ZNF280C: variants seen among roughly 807,000 people sequenced by gnomAD.
ZNF280C encodes zinc finger protein 280C, also known as suppressor of hairy wing homolog 3.
Under a neutral mutation model 53.6 loss-of-function variants are expected in ZNF280C, and 14 were observed. The observed-to-expected ratio is 0.26, with a 90% CI of 0.17 to 0.41. ZNF280C has a LOEUF of 0.41. ZNF280C is among the 10% of genes least tolerant of loss of function. The probability of loss-of-function intolerance (pLI) is 1.00; values close to 1 mark genes in which losing one functional copy is unlikely to be tolerated. For missense variants in ZNF280C, 416 were observed against 547.1 expected (o/e 0.76, Z 2.39); for synonymous variants, 203 against 181.1 (o/e 1.12, Z -0.97).
At chrX:130,249,163 C>T (rs866259253) in intron 2 of ZNF280C, among the ~76,000 whole-genome samples, 2 of 111,587 alleles carry the variant, frequency 1.8e-5, no homozygotes, top group Middle Eastern at 4.6e-3. Flanking sequence ...AGTCCTGCAA[C>T]GGCCAGTGCC....
intron 15 of ZNF280C, among the ~76,000 whole-genome samples, chrX:130,213,331 C>A (rs764149607): frequency 8.9e-6 from 1 of 112,223 alleles, no homozygotes; most frequent in South Asian, 3.7e-4. Flanking sequence ...CGAGATCATG[C>A]CACTGCACTC....
At chrX:130,248,119 G>T (rs2032469008) in intron 2 of ZNF280C, among the ~76,000 whole-genome samples, 1 of 97,536 alleles carries the variant, frequency 1.0e-5, no homozygotes, top group Admixed American at 1.2e-4. Flanking sequence ...AGGCAGGATG[G>T]CAAACTAGAT....
At position 130,220,385 on chromosome X, in the gene ZNF280C, C is replaced by T. The variant is rs1168410969; in HGVS notation, c.1491G>A (p.Lys497=). Residue 497 remains lysine (K), a synonymous_variant, in exon 13 of 19, where the codon AAG becomes AAA. Transcript: ENST00000370978. ...GAGGCAATCCTTCTAGTTCTTTAGGCTTTATAAATGTACGATGCTGCGCCT... is the reference window on the plus strand; with the variant it reads ...GAGGCAATCCTTCTAGTTCTTTAGGTTTTATAAATGTACGATGCTGCGCCT... ...EHKAQHRTFI[K]PKELEGLPPG... is the part of the protein sequence containing the mutation. 2.4e-5 allele frequency: 28 copies of T among 1,188,765 alleles called. No homozygotes were observed. Among genetic ancestry groups the T allele is most frequent in the Non-Finnish European group, 2.8e-5 (25 of 885,923 alleles).
chrX:130,251,879 CG>C (rs1222167228), intron 2 of ZNF280C, among the ~76,000 whole-genome samples: 1 of 111,521 alleles, frequency 9.0e-6, no homozygotes, highest in Non-Finnish European at 1.9e-5. Flanking sequence ...TCTGGGAGGC[CG>C]GGGTGGGCGG....
At chrX:130,248,026 T>C (rs2032468067) in intron 2 of ZNF280C, among the ~76,000 whole-genome samples, 1 of 105,417 alleles carries the variant, frequency 9.5e-6, no homozygotes, top group Non-Finnish European at 1.9e-5. Flanking sequence ...AACCAATGCG[T>C]ACCAGAAAAT....
At chrX:130,251,282 CAAA>C (rs61571389) in intron 2 of ZNF280C, among the ~76,000 whole-genome samples, 17 of 15,333 alleles carry the variant, frequency 1.1e-3, no homozygotes, top group African/African-American at 4.6e-3. Context: ...GGACCTGTCT[CAAA>C]AAAAAAAAAA....
At chrX:130,251,216 G>A (rs1340149519) in intron 2 of ZNF280C, among the ~76,000 whole-genome samples, 2 of 99,709 alleles carry the variant, frequency 2.0e-5, no homozygotes, top group Non-Finnish European at 4.0e-5. Flanking sequence ...CAGGAGACTG[G>A]GGATGCAGTG....
chrX:130,235,957 C>T (rs1398633813), intron 8 of ZNF280C, among the ~76,000 whole-genome samples: 1 of 111,998 alleles, frequency 8.9e-6, no homozygotes, highest in Admixed American at 9.5e-5. Context: ...TCTTTCTATG[C>T]TTGGCTTATT....
chrX:130,251,775 C>T (rs1261856301), intron 2 of ZNF280C, among the ~76,000 whole-genome samples: 1 of 95,348 alleles, frequency 1.0e-5, no homozygotes, highest in Non-Finnish European at 2.1e-5. Flanking sequence ...GGAGGCAGCG[C>T]CAGACTTCGT....
intron 12 of ZNF280C, 128 bp downstream of exon 12, chrX:130,226,631 C>A: frequency 1.6e-6 from 1 of 635,524 alleles, no homozygotes; most frequent in Non-Finnish European, 2.2e-6. Context: ...ACTTTGCTTT[C>A]TGTCCAGAAC....
intron 1 of ZNF280C, among the ~76,000 whole-genome samples, chrX:130,265,590 A>G (rs951157280): frequency 8.9e-6 from 1 of 112,113 alleles, no homozygotes; most frequent in Admixed American, 9.5e-5. Flanking sequence ...GGAAAATGTA[A>G]GTAAGTGCAT....
intron 15 of ZNF280C, among the ~76,000 whole-genome samples, chrX:130,212,883 T>A (rs1381463659): frequency 9.0e-6 from 1 of 111,079 alleles, no homozygotes; most frequent in Non-Finnish European, 1.9e-5. Context: ...AGGGTTAACT[T>A]AAAAAAAGTG....
chrX:130,205,518 G>C (rs186939277), intron 16 of ZNF280C, 103 bp from the exon 17 acceptor site: 54 of 524,561 alleles, frequency 1.0e-4, no homozygotes, highest in Non-Finnish European at 2.1e-5. Context: ...TTGCATTTTA[G>C]TCTCCACAAC....
chrX:130,232,432 T>C lies in ZNF280C; in HGVS notation c.772-1705A>G, dbSNP rs1440945498. On this transcript the variant is annotated intron_variant, in intron 8 of 18. Transcript: ENST00000370978. ...CTCTAAGAATAACTGGATAAAAAAA[T>C]AGGAGAAACTATCTGAGAAAGGGTT... Among the ~76,000 whole-genome samples the C allele has an allele frequency of 6.4e-5, 7 of 109,561 alleles. No individual in the cohort carries two copies. The East Asian group carries it at 2.0e-3, about 31-fold the overall frequency.
At chrX:130,229,573 A>G (rs1440184117) in intron 9 of ZNF280C, among the ~76,000 whole-genome samples, 1 of 112,475 alleles carries the variant, frequency 8.9e-6, no homozygotes, top group East Asian at 2.8e-4. Flanking sequence ...TCAGCTGCTC[A>G]AAAGACAAAC....
intron 1 of ZNF280C, among the ~76,000 whole-genome samples, chrX:130,263,390 A>C (rs2032651487): frequency 8.9e-6 from 1 of 112,666 alleles, no homozygotes; most frequent in East Asian, 2.8e-4. Flanking sequence ...GGAATGAAGC[A>C]CTGATACATG....
At chrX:130,264,544 C>T (rs919011044) in intron 1 of ZNF280C, among the ~76,000 whole-genome samples, 3 of 110,619 alleles carry the variant, frequency 2.7e-5, no homozygotes, top group African/African-American at 9.9e-5. Context: ...GGTGACCAAC[C>T]TTATATACAT....
At chrX:130,214,909 T>C (rs150824429) in intron 15 of ZNF280C, among the ~76,000 whole-genome samples, 452 of 111,683 alleles carry the variant, frequency 4.0e-3, no homozygotes, top group African/African-American at 0.014. Flanking sequence ...AAATAACCAC[T>C]TTTTGAAAGA....
chrX:130,245,080 A>G (rs950080091), intron 3 of ZNF280C, among the ~76,000 whole-genome samples: 1 of 111,810 alleles, frequency 8.9e-6, no homozygotes, highest in African/African-American at 3.2e-5. Flanking sequence ...GTTTTTCTAT[A>G]TAAACATTTA....
Sources: gnomAD v4.1 joint callset for allele counts (sites outside exome capture counted in the v4.1 genomes callset) on GRCh38, gnomAD v4.1.1 for gene constraint, MANE v1.5 for transcripts, NCBI Gene and HGNC (gene_info 2026-07-23, HGNC 2026-07-21) for gene names.